NUTM2B: variants seen among roughly 807,000 people sequenced by gnomAD.
NUTM2B encodes the protein NUT family member 2B.
A neutral mutation model predicts 42.4 loss-of-function variants in NUTM2B; 2 were observed. The observed-to-expected ratio is 0.05, with a 90% CI of 0.02 to 0.15. The LOEUF is 0.15. NUTM2B is among the 10% of genes least tolerant of loss of function. The pLI is 1.00. For synonymous variants in NUTM2B, 18 were observed against 402.4 expected, an observed-to-expected ratio of 0.04 and a Z score of 11.43; for missense variants, 58 against 952.6, an observed-to-expected ratio of 0.06 and a Z score of 12.36.
At chr10:79,699,808 T>C (rs576882658), upstream of NUTM2B, among the ~76,000 whole-genome samples, 2 of 152,268 alleles carry the variant, frequency 1.3e-5, no homozygotes, top group Non-Finnish European at 2.9e-5. Flanking sequence ...TGTGAATACA[T>C]ATTAGATTCT....
chr10:79,699,979 G>A (rs1840282945), upstream of NUTM2B, among the ~76,000 whole-genome samples: 3 of 152,196 alleles, frequency 2.0e-5, no homozygotes, highest in Admixed American at 2.0e-4. Flanking sequence ...GATAACACAC[G>A]TGTGTGCAGT....
chr10:79,700,520 C>G (rs562664325), upstream of NUTM2B, among the ~76,000 whole-genome samples: 3 of 152,262 alleles, frequency 2.0e-5, no homozygotes, highest in African/African-American at 4.8e-5. Flanking sequence ...AAGCTATGAA[C>G]GCTCCCGCCT....
intron 3 of NUTM2B, among the ~76,000 whole-genome samples, chr10:79,709,470 G>A (rs1293247099): frequency 1.5e-5 from 2 of 130,652 alleles, no homozygotes; most frequent in African/African-American, 5.9e-5. Context: ...CTGCATCTGG[G>A]CATCATCCCT....
the NUTM2B span, among the ~76,000 whole-genome samples, chr10:79,693,843 G>C: frequency 2.6e-5 from 4 of 152,226 alleles, no homozygotes; most frequent in Admixed American, 6.5e-5. Context: ...GAATCCATTT[G>C]TACCACAGGG....
chr10:79,700,476 G>A (rs1169629233), upstream of NUTM2B, among the ~76,000 whole-genome samples: 2 of 152,266 alleles, frequency 1.3e-5, no homozygotes, highest in Non-Finnish European at 1.5e-5. Flanking sequence ...GGAAAGGAGC[G>A]CGGCCTGGGC....
chr10:79,693,691 G>GT, the NUTM2B span, among the ~76,000 whole-genome samples: 1 of 152,144 alleles, frequency 6.6e-6, no homozygotes, highest in Non-Finnish European at 1.5e-5. Context: ...GATCTACCTG[G>GT]TATACATTAC....
At chr10:79,709,158 G>C (rs1393842041) in intron 3 of NUTM2B, among the ~76,000 whole-genome samples, 1 of 115,886 alleles carries the variant, frequency 8.6e-6, no homozygotes, top group African/African-American at 4.0e-5. Flanking sequence ...AGTGACTATG[G>C]ACAAGAGTAG....
At chr10:79,700,408 T>C (rs1326125488), upstream of NUTM2B, among the ~76,000 whole-genome samples, 5 of 152,374 alleles carry the variant, frequency 3.3e-5, no homozygotes, top group African/African-American at 9.6e-5. Flanking sequence ...GAGACACACT[T>C]TGAGGTTCCC....
At chr10:79,696,851 G>C in the NUTM2B span, among the ~76,000 whole-genome samples, 1 of 150,902 alleles carries the variant, frequency 6.6e-6, no homozygotes, top group Non-Finnish European at 1.5e-5. Context: ...ACCCCTTCAT[G>C]AATAGTCATG....
At chr10:79,693,535 G>T in the NUTM2B span, among the ~76,000 whole-genome samples, 3 of 152,182 alleles carry the variant, frequency 2.0e-5, no homozygotes, top group Non-Finnish European at 4.4e-5. Flanking sequence ...AATGGCTCAG[G>T]CCGACCTCAG....
chr10:79,701,009 T>C (rs565901765), upstream of NUTM2B, among the ~76,000 whole-genome samples: 190 of 152,348 alleles, frequency 1.2e-3, 2 homozygotes, highest in African/African-American at 4.4e-3. Context: ...CTGCAGTCCA[T>C]GCACTTAGGT....
chr10:79,693,756 A>G, the NUTM2B span, among the ~76,000 whole-genome samples: 67 of 152,374 alleles, frequency 4.4e-4, 1 homozygote, highest in East Asian at 8.1e-3. Context: ...CATTCCGCCA[A>G]CAAAACACAA....
upstream of NUTM2B, among the ~76,000 whole-genome samples, chr10:79,702,262 CAA>C (rs1487257930): frequency 2.0e-5 from 3 of 152,136 alleles, no homozygotes; most frequent in African/African-American, 7.2e-5. Flanking sequence ...TCTCAGAGGA[CAA>C]AAGGCCTGGG....
chr10:79,709,184 C>G (rs911326235), intron 3 of NUTM2B, among the ~76,000 whole-genome samples: 6 of 119,412 alleles, frequency 5.0e-5, no homozygotes, highest in Non-Finnish European at 8.3e-5. Context: ...AGGCTCCTCA[C>G]AGCAGTGGCC....
intron 1 of NUTM2B, among the ~76,000 whole-genome samples, chr10:79,705,690 G>A (rs4079814): frequency 0.075 from 10,102 of 134,458 alleles, 568 homozygotes; most frequent in South Asian, 0.15. Context: ...TGCTGAGCAC[G>A]CTGAGGACCA....
upstream of NUTM2B, among the ~76,000 whole-genome samples, chr10:79,700,935 T>C (rs1462570363): frequency 6.6e-6 from 1 of 152,216 alleles, no homozygotes; most frequent in African/African-American, 2.4e-5. Context: ...GGAACCTCCA[T>C]GACCGTGCCT....
rs1454702987 is a variant in NUTM2B at position 79,706,088 on chromosome 10, CCTGT to C, written c.434_437del (p.Ser145CysfsTer21). ...GCGTGACCGCGAACCCTGGCACCTC[CCTGT>C]CTGTGTTCACGGCTCTGCCCTTCAC... On this transcript the variant is annotated frameshift_variant, in exon 2 of 7. Coordinates refer to ENST00000429828, the Ensembl canonical transcript of NUTM2B. LOFTEE classifies it high-confidence loss of function. 39 of 1,589,354 alleles carry C rather than the reference CCTGT, an allele frequency of 2.5e-5. No individual in the cohort carries two copies. Among genetic ancestry groups the C allele is most frequent in the Middle Eastern group, 2.3e-4 (1 of 4,398 alleles).
the NUTM2B span, among the ~76,000 whole-genome samples, chr10:79,692,422 G>GTA: frequency 6.6e-6 from 1 of 152,132 alleles, no homozygotes; most frequent in Admixed American, 6.5e-5. Flanking sequence ...CAAAGGTCAG[G>GTA]TATACACTGG....
At chr10:79,693,510 A>G in the NUTM2B span, among the ~76,000 whole-genome samples, 1 of 152,202 alleles carries the variant, frequency 6.6e-6, no homozygotes, top group East Asian at 1.9e-4. Flanking sequence ...CCTCAAAAAT[A>G]TTGAGCCCAG....
Sources: allele counts gnomAD v4.1 joint callset (sites outside exome capture counted in the v4.1 genomes callset), GRCh38; gene constraint gnomAD v4.1.1; transcripts MANE v1.5; gene names NCBI Gene and HGNC (gene_info 2026-07-23, HGNC 2026-07-21).